Variants in SLC9A3 observed in about 807,000 individuals in gnomAD.
The protein encoded by SLC9A3 is solute carrier family 9 member A3.
In SLC9A3, 37 loss-of-function variants were observed where a neutral mutation model predicts 86.8. The ratio of observed to expected loss-of-function variants is 0.43; its 90% confidence interval spans 0.33 to 0.56. The LOEUF (loss-of-function observed/expected upper bound fraction) is 0.56, where lower values mean the gene tolerates loss of function less well. Ranked by LOEUF, SLC9A3 falls within the 20% of genes least tolerant of loss-of-function variation. The pLI, the probability that SLC9A3 is intolerant of heterozygous loss-of-function variation, is 0.06. For synonymous variants in SLC9A3, 581 were observed against 528.3 expected (o/e 1.10, Z -1.37); for missense variants, 1,011 against 1,171.9 (o/e 0.86, Z 2.00).
rs1738330564 is a variant in SLC9A3 at position 471,063 on chromosome 5, G to A, written c.*2316C>T. 1 of 152,650 alleles carries A rather than the reference G, an allele frequency of 6.6e-6. No homozygotes were observed. The highest frequency in any genetic ancestry group is 2.4e-5 in the African/African-American group (1 of 41,456). The allele number at this position is 152,650 out of a possible 1,614,324, so 9.5% of individuals were successfully genotyped here. A position where few individuals can be genotyped will look rare whatever the true frequency, so the allele number is the denominator to read the frequency against. ...GGGAGCAGCCTGGGCTGCCGTGAGT[G>A]AGGTGTTCTCACTCTGGTTCCGTGT... On this transcript the variant is annotated 3_prime_UTR_variant, in exon 17 of 17. Transcript: ENST00000264938.
chr5:518,695 G>A (rs1022768444), intron 1 of SLC9A3, among the ~76,000 whole-genome samples: 1 of 152,212 alleles, frequency 6.6e-6, no homozygotes, highest in Non-Finnish European at 1.5e-5. Context: ...GCCACGCTGG[G>A]AGAGCTCAGC....
At chr5:478,445 C>T (rs887113253) in intron 10 of SLC9A3, 4 of 55,754 alleles carry the variant, frequency 7.2e-5, no homozygotes, top group African/African-American at 2.8e-4. Flanking sequence ...CTGCCGAGCC[C>T]TGCCGTGGGG....
chr5:507,186 T>TTTTTTTTTTTTTTTTTTTTTG lies in SLC9A3; in HGVS notation c.212-15116_212-15115insCAAAAAAAAAAAAAAAAAAAA, dbSNP rs1242074998. Reference sequence around the variant, plus strand: ...TGCTTCTTTTTTTTTTTTTTTTTTTTGAGACGGAGTCTGGCTCTGTTGCCC... The same window carrying TTTTTTTTTTTTTTTTTTTTTG: ...TGCTTCTTTTTTTTTTTTTTTTTTTTTTTTTTTTTTTTTTTTTTTTGGAGACGGAGTCTGGCTCTGTTGCCC... On this transcript the variant is annotated intron_variant, in intron 1 of 16. Coordinates refer to ENST00000264938, the MANE Select transcript of SLC9A3 (RefSeq NM_004174.4). Among the ~76,000 whole-genome samples, 3 of 106,874 alleles carry TTTTTTTTTTTTTTTTTTTTTG rather than the reference T, an allele frequency of 2.8e-5. 1 individual carries two copies. Among genetic ancestry groups the TTTTTTTTTTTTTTTTTTTTTG allele is most frequent in the Admixed American group, 1.0e-4 (1 of 9,774 alleles). 70.1% of individuals were successfully genotyped at this position (106,874 alleles called of 152,430 possible).
intron 1 of SLC9A3, among the ~76,000 whole-genome samples, chr5:501,441 G>A (rs917895237): frequency 3.3e-5 from 5 of 152,224 alleles, no homozygotes; most frequent in Non-Finnish European, 7.4e-5. Context: ...GCTGAGCGGT[G>A]GGGCGGTGAG....
Position 482,748 on chromosome 5 carries a change from C to T in SLC9A3, c.1156G>A (p.Val386Met). 6.3e-7 allele frequency: 1 copy of T among 1,598,304 alleles called. No homozygotes were observed. ...TTCAGAAGCCAGGTCTGCAGGACCACACCTGCGGATGATGGGGCGGGCACT... is the reference window on the plus strand; with the variant it reads ...TTCAGAAGCCAGGTCTGCAGGACCATACCTGCGGATGATGGGGCGGGCACT... ...VFISVYRAIG[V>M]VLQTWLLNRY... Residue 386 changes from valine to methionine, a missense_variant and splice_region_variant, in exon 7 of 17, where the codon GTG becomes ATG. Val to Met is a conservative substitution (Grantham distance 21). Coordinates refer to ENST00000264938, the MANE Select transcript of SLC9A3 (RefSeq NM_004174.4).
Position 476,264 on chromosome 5 carries a change from G to C in SLC9A3, c.2005C>G (p.Leu669Val). Residue 669 changes from leucine (L) to valine (V), a missense_variant, in exon 13 of 17, where the codon CTG becomes GTG. Leu to Val is a conservative substitution (Grantham distance 32). Coordinates refer to ENST00000264938, the MANE Select transcript of SLC9A3 (RefSeq NM_004174.4). ...GCCTTCTTGTTCTGGTTGAGCCCCA[G>C]CTTGGTCGACTTGAAGGACTCCAGG... ...KRLESFKSTK[L>V]GLNQNKKAAK... The C allele has an allele frequency of 6.2e-7, 1 of 1,613,994 alleles. No individual in the cohort carries two copies. Among genetic ancestry groups the C allele is most frequent in the Non-Finnish European group, 8.5e-7 (1 of 1,180,016 alleles).
In SLC9A3 at chr5:475,618, C is replaced by G. The variant is rs982185730; in HGVS notation, c.2194G>C (p.Gly732Arg). The G allele has an allele frequency of 8.4e-6, 13 of 1,552,604 alleles. No homozygotes were observed. Among genetic ancestry groups the G allele is most frequent in the African/African-American group, 1.4e-5 (1 of 73,104 alleles). ...ACACTAGCCAGGAACTCGATCCCCC[C>G]ACTCATCTCCTCATCATAGTTGGGG... Reference protein sequence around the residue: ...EPPNYDEEMSGGIEFLASVTK... With the variant: ...EPPNYDEEMSRGIEFLASVTK... Residue 732 changes from glycine (G) to arginine (R), a missense_variant, in exon 15 of 17, where the codon GGG becomes CGG. Physicochemically the swap from Gly to Arg is moderately radical, Grantham distance 125. Coordinates refer to ENST00000264938, the MANE Select transcript of SLC9A3 (RefSeq NM_004174.4).
At chr5:504,287 C>A (rs1274077509) in intron 1 of SLC9A3, among the ~76,000 whole-genome samples, 1 of 152,164 alleles carries the variant, frequency 6.6e-6, no homozygotes, top group Admixed American at 6.5e-5. Context: ...TCTTGCAGCC[C>A]CCGCGTCCCG....
At chr5:487,689 A>AT (rs1739534570) in intron 3 of SLC9A3, among the ~76,000 whole-genome samples, 2 of 152,210 alleles carry the variant, frequency 1.3e-5, no homozygotes, top group African/African-American at 4.8e-5. Flanking sequence ...TTTATTTGAG[A>AT]TGGAGTCTCA....
chr5:510,895 T>C (rs1409118177), intron 1 of SLC9A3, among the ~76,000 whole-genome samples: 1 of 152,222 alleles, frequency 6.6e-6, no homozygotes, highest in Non-Finnish European at 1.5e-5. Flanking sequence ...GCTCCCACTG[T>C]CTCATAGCTG....
intron 12 of SLC9A3, 80 bp from the exon 13 acceptor site, chr5:476,458 AT>A: frequency 6.2e-7 from 1 of 1,603,606 alleles, no homozygotes. Context: ...CTGAGCACGG[AT>A]CCCCCGTGGT....
intron 1 of SLC9A3, among the ~76,000 whole-genome samples, chr5:494,885 G>C (rs1490635130): frequency 1.3e-5 from 2 of 152,196 alleles, no homozygotes; most frequent in African/African-American, 4.8e-5. Flanking sequence ...CACGTTCTTT[G>C]CCTCTGCCCA....
chr5:500,491 G>A (rs1190299242), intron 1 of SLC9A3, among the ~76,000 whole-genome samples: 1 of 102,866 alleles, frequency 9.7e-6, no homozygotes, highest in East Asian at 2.0e-4. Context: ...GGGCCGGTGT[G>A]GACACGGGGC....
chr5:475,728 C>T, intron 14 of SLC9A3, 57 bp from the exon 15 acceptor site: 1 of 982,026 alleles, frequency 1.0e-6, no homozygotes, highest in Non-Finnish European at 1.6e-6. Context: ...TCCTCACAGC[C>T]CAGTCAGCAG....
chr5:483,078 G>A (rs1225543155), intron 6 of SLC9A3, among the ~76,000 whole-genome samples, 184 bp downstream of exon 6: 1 of 152,082 alleles, frequency 6.6e-6, no homozygotes, highest in Non-Finnish European at 1.5e-5. Flanking sequence ...GGGAAACCAA[G>A]TGGTTTCCCT....
intron 1 of SLC9A3, among the ~76,000 whole-genome samples, chr5:514,777 CA>C (rs1733674141): frequency 6.6e-6 from 1 of 152,250 alleles, no homozygotes; most frequent in Non-Finnish European, 1.5e-5. Context: ...CCTTTCCCAA[CA>C]AAGAACTCAA....
chr5:515,837 TCA>T (rs540468401), intron 1 of SLC9A3, among the ~76,000 whole-genome samples: 1 of 4,444 alleles, frequency 2.3e-4, no homozygotes, highest in Non-Finnish European at 3.7e-4. Context: ...CCCCTGCCCC[TCA>T]CACACACACA....
intron 15 of SLC9A3, 148 bp downstream of exon 15, chr5:475,413 C>T (rs1738658693): frequency 1.6e-6 from 1 of 629,460 alleles, no homozygotes; most frequent in Admixed American, 2.8e-5. Context: ...TGAGGGGGCA[C>T]TCAGTGGGTG....
intron 10 of SLC9A3, chr5:478,217 C>T (rs1738885935): frequency 6.6e-6 from 1 of 152,286 alleles, no homozygotes; most frequent in African/African-American, 2.4e-5. Context: ...ATTTGAGGGT[C>T]ATTGGTTCTG....
Sources: allele counts gnomAD v4.1 joint callset (sites outside exome capture counted in the v4.1 genomes callset), GRCh38; gene constraint gnomAD v4.1.1; transcripts MANE v1.5; gene names NCBI Gene and HGNC (gene_info 2026-07-23, HGNC 2026-07-21).